CWC27: variants seen among roughly 807,000 people sequenced by gnomAD.
CWC27 encodes the protein spliceosome-associated protein CWC27 homolog.
In CWC27, 47 loss-of-function variants were observed where a neutral mutation model predicts 63.6. The ratio of observed to expected loss-of-function variants is 0.74; its 90% CI spans 0.58 to 0.94. The LOEUF is 0.94. CWC27 is among the 40% of genes least tolerant of loss of function. The probability of loss-of-function intolerance (pLI) is 0.00; values close to 1 mark genes in which losing one functional copy is unlikely to be tolerated. For synonymous variants in CWC27, 175 were observed against 179.8 expected (o/e 0.97, Z 0.22); for missense variants, 495 against 554.3 (o/e 0.89, Z 1.07).
chr5:64,923,252 C>G (rs1748032872), intron 11 of CWC27, among the ~76,000 whole-genome samples: 1 of 152,136 alleles, frequency 6.6e-6, no homozygotes, highest in African/African-American at 2.4e-5. Flanking sequence ...GGCAGGATAT[C>G]TGAGGCTGTG....
intron 10 of CWC27, among the ~76,000 whole-genome samples, chr5:64,832,569 A>G (rs1287878433): frequency 6.6e-6 from 1 of 151,824 alleles, no homozygotes; most frequent in Non-Finnish European, 1.5e-5. Context: ...CAACTATCAT[A>G]CTTATGTCTG....
At chr5:64,989,092 C>T (rs1257028549) in intron 13 of CWC27, among the ~76,000 whole-genome samples, 2 of 152,150 alleles carry the variant, frequency 1.3e-5, no homozygotes, top group Non-Finnish European at 2.9e-5. Context: ...CTACCATGCA[C>T]TTTTTGCAAC....
chr5:64,979,491 C>T (rs1012700938), intron 13 of CWC27, among the ~76,000 whole-genome samples: 2 of 152,222 alleles, frequency 1.3e-5, no homozygotes, highest in African/African-American at 4.8e-5. Flanking sequence ...TAAGCAACAA[C>T]ATCATTTCTG....
chr5:64,960,323 A>C (rs1223649874), intron 11 of CWC27, among the ~76,000 whole-genome samples: 2 of 152,088 alleles, frequency 1.3e-5, no homozygotes, highest in Non-Finnish European at 2.9e-5. Context: ...CCATGTGATA[A>C]ATTATTTAAC....
chr5:64,891,823 C>T (rs1183966281), intron 11 of CWC27, among the ~76,000 whole-genome samples: 7 of 133,512 alleles, frequency 5.2e-5, no homozygotes, highest in African/African-American at 1.8e-4. Flanking sequence ...GTTACAGAGT[C>T]TCTCTCTGTC....
intron 10 of CWC27, among the ~76,000 whole-genome samples, chr5:64,849,127 T>G (rs1017122859): frequency 6.6e-6 from 1 of 151,856 alleles, no homozygotes; most frequent in Admixed American, 6.6e-5. Flanking sequence ...CTAATAAAGT[T>G]GCAGGATACA....
At chr5:64,968,789 A>G (rs1749069277) in intron 11 of CWC27, among the ~76,000 whole-genome samples, 2 of 152,346 alleles carry the variant, frequency 1.3e-5, no homozygotes, top group South Asian at 4.1e-4. Flanking sequence ...TACAATACCA[A>G]AAGTCATCAC....
chr5:64,970,940 AGAG>A (rs977493875), intron 11 of CWC27, among the ~76,000 whole-genome samples: 4 of 136,640 alleles, frequency 2.9e-5, no homozygotes, highest in Non-Finnish European at 4.6e-5. Context: ...GCCAAAGAGA[AGAG>A]AGAGAGAGAG....
chr5:64,809,363 G>A (rs1309584431), intron 10 of CWC27, among the ~76,000 whole-genome samples: 1 of 152,034 alleles, frequency 6.6e-6, no homozygotes, highest in Admixed American at 6.6e-5. Context: ...GCATTACAAA[G>A]CTTATTCTTT....
At chr5:64,848,701 G>A (rs190673177) in intron 10 of CWC27, among the ~76,000 whole-genome samples, 1 of 152,260 alleles carries the variant, frequency 6.6e-6, no homozygotes, top group East Asian at 1.9e-4. Flanking sequence ...ATCAATAAAT[G>A]TGGTACATCA....
intron 13 of CWC27, among the ~76,000 whole-genome samples, chr5:65,000,089 G>A (rs1749706345): frequency 6.6e-6 from 1 of 152,052 alleles, no homozygotes; most frequent in Non-Finnish European, 1.5e-5. Context: ...AATGATTAGG[G>A]ATAGTGAACA....
intron 11 of CWC27, among the ~76,000 whole-genome samples, chr5:64,942,517 A>C (rs531025357): frequency 6.6e-6 from 1 of 151,824 alleles, no homozygotes; most frequent in Admixed American, 6.6e-5. Context: ...ATATGAAAAC[A>C]CACATATATA....
intron 7 of CWC27, among the ~76,000 whole-genome samples, chr5:64,791,342 A>G (rs1274801759): frequency 6.6e-6 from 1 of 152,196 alleles, no homozygotes; most frequent in East Asian, 1.9e-4. Flanking sequence ...TCTACTGTAC[A>G]AAATAGAAAA....
Position 64,807,664 on chromosome 5 carries a change from C to T in CWC27, c.938+3278C>T, listed in dbSNP as rs1239419390. ...CTCAGCAGAATCACACAGGCATATA[C>T]AAGCTGGTATTATTATGGATTTCTA... On this transcript the variant is annotated intron_variant, in intron 10 of 13. Transcript: ENST00000381070. 6.5e-6 allele frequency: 10 copies of T among 1,535,874 alleles called. No individual in the cohort carries two copies. In the East Asian group the frequency reaches 1.2e-4, roughly 19 times the overall value.
chr5:64,897,449 G>A (rs1747405513), intron 11 of CWC27, among the ~76,000 whole-genome samples: 1 of 152,098 alleles, frequency 6.6e-6, no homozygotes, highest in Non-Finnish European at 1.5e-5. Flanking sequence ...CATGGATGAA[G>A]CTGGAAACCA....
At chr5:64,971,851 CT>C in intron 12 of CWC27, 39 bp downstream of exon 12, 1 of 1,349,834 alleles carries the variant, frequency 7.4e-7, no homozygotes, top group Non-Finnish European at 1.0e-6. Context: ...AACTTATTGT[CT>C]TTTTATTGTT....
At chr5:64,866,381 G>C (rs1746531253) in intron 10 of CWC27, among the ~76,000 whole-genome samples, 1 of 152,030 alleles carries the variant, frequency 6.6e-6, no homozygotes, top group South Asian at 2.1e-4. Context: ...AAAATACCAG[G>C]AAAGTACTAG....
intron 10 of CWC27, among the ~76,000 whole-genome samples, chr5:64,807,025 A>G (rs1330323059): frequency 6.6e-6 from 1 of 152,150 alleles, no homozygotes; most frequent in Non-Finnish European, 1.5e-5. Context: ...TTGAGTTATA[A>G]TGGGTATAGC....
At chr5:64,923,802 C>T (rs559656732) in intron 11 of CWC27, among the ~76,000 whole-genome samples, 2 of 151,654 alleles carry the variant, frequency 1.3e-5, no homozygotes, top group Non-Finnish European at 2.9e-5. Flanking sequence ...TTTAAAGTTT[C>T]CTTAAAACCA....
Sources: allele counts gnomAD v4.1 joint callset (sites outside exome capture counted in the v4.1 genomes callset), GRCh38; gene constraint gnomAD v4.1.1; transcripts MANE v1.5; gene names NCBI Gene and HGNC (gene_info 2026-07-23, HGNC 2026-07-21).